SPON1: variants seen among roughly 807,000 people sequenced by gnomAD.
SPON1 encodes spondin-1.
A neutral mutation model predicts 111.7 loss-of-function variants in SPON1; 52 were observed. The ratio of observed to expected loss-of-function variants is 0.47; its 90% confidence interval spans 0.37 to 0.59. SPON1 has a LOEUF of 0.59. SPON1 is among the 20% of genes least tolerant of loss of function. The pLI is 0.00. For synonymous variants in SPON1, 410 were observed against 395.8 expected, an observed-to-expected ratio of 1.04 and a Z score of -0.43; for missense variants, 957 against 1,068.5, an observed-to-expected ratio of 0.90 and a Z score of 1.46.
At chr11:13,979,814 T>G (rs1255816718) in intron 1 of SPON1, among the ~76,000 whole-genome samples, 1 of 152,164 alleles carries the variant, frequency 6.6e-6, no homozygotes, top group Non-Finnish European at 1.5e-5. Context: ...GTATCCTTAG[T>G]GTTTGTTACT....
At chr11:14,201,262 C>T (rs1345209262) in intron 6 of SPON1, among the ~76,000 whole-genome samples, 2 of 151,940 alleles carry the variant, frequency 1.3e-5, no homozygotes, top group Non-Finnish European at 2.9e-5. Flanking sequence ...ATGGCGTGAA[C>T]CCAGGAGGCA....
chr11:14,089,994 C>T (rs782409245), intron 5 of SPON1, among the ~76,000 whole-genome samples: 3 of 152,112 alleles, frequency 2.0e-5, no homozygotes, highest in Non-Finnish European at 4.4e-5. Context: ...GATGCCCCTT[C>T]CCACACCAAG....
At chr11:14,213,103 G>A (rs1213914366) in intron 6 of SPON1, among the ~76,000 whole-genome samples, 2 of 152,156 alleles carry the variant, frequency 1.3e-5, no homozygotes, top group Non-Finnish European at 2.9e-5. Context: ...TTAGGGCCTG[G>A]AAACAGAGAT....
chr11:14,044,502 C>T (rs1848654097), intron 3 of SPON1, among the ~76,000 whole-genome samples: 2 of 152,118 alleles, frequency 1.3e-5, no homozygotes, highest in South Asian at 4.1e-4. Context: ...GTCCCAGATA[C>T]TCGGGAGGCT....
At chr11:13,994,497 T>C (rs2133789031) in intron 2 of SPON1, among the ~76,000 whole-genome samples, 1 of 152,186 alleles carries the variant, frequency 6.6e-6, no homozygotes, top group Middle Eastern at 3.4e-3. Context: ...CATTCCATCA[T>C]GGAAGTCATG....
intron 5 of SPON1, among the ~76,000 whole-genome samples, chr11:14,129,638 G>A (rs570965178): frequency 1.3e-5 from 2 of 152,124 alleles, no homozygotes; most frequent in Non-Finnish European, 2.9e-5. Flanking sequence ...CCTGTTACCT[G>A]CTTCCAAAGT....
intron 5 of SPON1, among the ~76,000 whole-genome samples, chr11:14,133,116 T>C (rs781873026): frequency 1.2e-4 from 18 of 152,200 alleles, no homozygotes; most frequent in Non-Finnish European, 2.2e-4. Context: ...TAACAGCACA[T>C]AGGATACTGC....
chr11:14,088,603 T>C (rs1439725141), intron 5 of SPON1, among the ~76,000 whole-genome samples: 6 of 150,674 alleles, frequency 4.0e-5, no homozygotes, highest in African/African-American at 1.5e-4. Context: ...CTGACAATTA[T>C]GTGTTTTGGG....
intron 2 of SPON1, 139 bp from the exon 3 acceptor site, chr11:14,041,382 A>G (rs1379870886): frequency 9.9e-7 from 1 of 1,010,552 alleles, no homozygotes; most frequent in Non-Finnish European, 1.5e-6. Flanking sequence ...GCCAAGCACT[A>G]TTCTGGTGCC....
chr11:14,160,691 T>TTA (rs1485836773), intron 6 of SPON1, among the ~76,000 whole-genome samples: 2 of 11,552 alleles, frequency 1.7e-4, no homozygotes, highest in African/African-American at 1.5e-3. Context: ...ATATATATAT[T>TTA]TATATATTTA....
intron 3 of SPON1, among the ~76,000 whole-genome samples, chr11:14,057,844 C>CAAAAAAAAA (rs1277903384): frequency 8.0e-6 from 1 of 125,460 alleles, no homozygotes; most frequent in Non-Finnish European, 1.7e-5. Flanking sequence ...AAAAAAAAAA[C>CAAAAAAAAA]AAAACAAAAA....
At chr11:14,104,968 C>A (rs1849173919) in intron 5 of SPON1, among the ~76,000 whole-genome samples, 1 of 152,064 alleles carries the variant, frequency 6.6e-6, no homozygotes, top group African/African-American at 2.4e-5. Context: ...ATGACTATAT[C>A]TTTTACATGA....
chr11:14,223,576 G>T (rs1554937804), intron 6 of SPON1, among the ~76,000 whole-genome samples: 1 of 152,214 alleles, frequency 6.6e-6, no homozygotes, highest in Non-Finnish European at 1.5e-5. Flanking sequence ...GGTTCTGTCG[G>T]TGTATCTCTG....
intron 6 of SPON1, among the ~76,000 whole-genome samples, chr11:14,185,392 GC>G (rs1446667799): frequency 6.6e-6 from 1 of 152,018 alleles, no homozygotes; most frequent in African/African-American, 2.4e-5. Flanking sequence ...GAATGTATGT[GC>G]CCCCCGCTCC....
intron 2 of SPON1, among the ~76,000 whole-genome samples, chr11:14,034,214 C>A (rs564969199): frequency 2.0e-5 from 3 of 152,188 alleles, no homozygotes; most frequent in African/African-American, 7.2e-5. Flanking sequence ...TTAGAAAACA[C>A]AAAAATTATA....
chr11:14,041,705 T>G (rs1438781026), intron 3 of SPON1, 51 bp downstream of exon 3: 2 of 1,583,324 alleles, frequency 1.3e-6, no homozygotes, highest in Non-Finnish European at 1.7e-6. Flanking sequence ...CTTTGTGGTG[T>G]GATTGCAGGG....
At chr11:14,050,948 T>A (rs1173969071) in intron 3 of SPON1, among the ~76,000 whole-genome samples, 3 of 152,150 alleles carry the variant, frequency 2.0e-5, no homozygotes, top group Admixed American at 2.0e-4. Flanking sequence ...GGGACAGGAA[T>A]CAAGTGGTAC....
At chr11:14,258,186 G>A (rs1554941439) in intron 11 of SPON1, among the ~76,000 whole-genome samples, 2 of 152,208 alleles carry the variant, frequency 1.3e-5, no homozygotes, top group Non-Finnish European at 1.5e-5. Context: ...CACATAGCCT[G>A]CTTCTGGGCC....
intron 13 of SPON1, among the ~76,000 whole-genome samples, chr11:14,260,371 G>T (rs986465454): frequency 6.6e-6 from 1 of 152,098 alleles, no homozygotes; most frequent in Non-Finnish European, 1.5e-5. Flanking sequence ...CCATCGGGGG[G>T]GGTCAGCAGG....
Sources: allele counts gnomAD v4.1 joint callset (sites outside exome capture counted in the v4.1 genomes callset), GRCh38; gene constraint gnomAD v4.1.1; transcripts MANE v1.5; gene names NCBI Gene and HGNC (gene_info 2026-07-23, HGNC 2026-07-21).